Variants in RFX3 observed in about 807,000 individuals in gnomAD.
RFX3 encodes the protein transcription factor RFX3.
A neutral mutation model predicts 98.6 loss-of-function variants in RFX3; 14 were observed. That is an observed-to-expected ratio of 0.14 (90% CI 0.09 to 0.22). RFX3 has a LOEUF of 0.22. Ranked by LOEUF, RFX3 falls within the 10% of genes least tolerant of loss-of-function variation. The probability of loss-of-function intolerance (pLI) is 1.00; values close to 1 mark genes in which losing one functional copy is unlikely to be tolerated. For missense variants in RFX3, 639 were observed against 926.9 expected (o/e 0.69, Z 4.03); for synonymous variants, 383 against 328.4 (o/e 1.17, Z -1.80).
At chr9:3,413,151 T>G (rs1475150542) in intron 1 of RFX3, among the ~76,000 whole-genome samples, 1 of 151,828 alleles carries the variant, frequency 6.6e-6, no homozygotes, top group East Asian at 1.9e-4. Flanking sequence ...TACAACCTAT[T>G]CTCCTAAGGA....
At position 3,221,031 on chromosome 9, in the gene RFX3, T is replaced by C. The variant is rs965984765; in HGVS notation, c.*4011A>G. The stretch of plus-strand genomic sequence containing the variant: ...CTCATCTCAATTTCTGGATGGTTGT[T>C]CTTTTCTCACCAAGAATGTGTGTGT... On this transcript the variant is annotated 3_prime_UTR_variant, in exon 17 of 17. Transcript: ENST00000617270. The C allele has an allele frequency of 6.6e-6, 1 of 152,166 alleles. No individual in the cohort carries two copies. Among genetic ancestry groups the C allele is most frequent in the African/African-American group, 2.4e-5 (1 of 41,462 alleles). The allele number at this position is 152,166 out of a possible 1,614,324, so 9.4% of individuals were successfully genotyped here. A position where few individuals can be genotyped will look rare whatever the true frequency, so the allele number is the denominator to read the frequency against.
At chr9:3,254,541 C>CG (rs566974261) in intron 14 of RFX3, among the ~76,000 whole-genome samples, 1 of 142,864 alleles carries the variant, frequency 7.0e-6, no homozygotes, top group African/African-American at 2.6e-5. Flanking sequence ...TATCTGAAAT[C>CG]TTTTTTTTTT....
chr9:3,327,321 G>A (rs995271861), intron 4 of RFX3, among the ~76,000 whole-genome samples: 1 of 152,062 alleles, frequency 6.6e-6, no homozygotes, highest in Non-Finnish European at 1.5e-5. Context: ...CTTCAACTTT[G>A]TTAATTTTAC....
chr9:3,313,594 G>A (rs767936082), intron 4 of RFX3, among the ~76,000 whole-genome samples: 15 of 152,108 alleles, frequency 9.9e-5, no homozygotes, highest in Non-Finnish European at 2.1e-4. Flanking sequence ...GAGGATGTTC[G>A]AACCCATCAC....
At chr9:3,288,062 G>GA in intron 7 of RFX3, 69 bp downstream of exon 7, 2 of 1,491,332 alleles carry the variant, frequency 1.3e-6, no homozygotes, top group South Asian at 2.5e-5. Flanking sequence ...TATTTGTTCA[G>GA]AAAAAAGGAG....
rs566675401 is a variant in RFX3, at chr9:3,262,719, G to A, written c.1605+216C>T. On this transcript the variant is annotated intron_variant, in intron 13 of 16. Coordinates refer to ENST00000617270, the MANE Select transcript of RFX3 (RefSeq NM_001282116.2). ...TCAGCAAATGCTGGTGATATATTAC[G>A]TTGTCTTTTAGGACTGTAAATGTGA... Among the ~76,000 whole-genome samples, 32 of 152,240 alleles carry A rather than the reference G, an allele frequency of 2.1e-4. No individual in the cohort carries two copies. In the East Asian group the frequency reaches 5.6e-3, roughly 27 times the overall value.
chr9:3,352,006 A>G (rs1341404568), intron 2 of RFX3, among the ~76,000 whole-genome samples: 2 of 152,004 alleles, frequency 1.3e-5, no homozygotes, highest in African/African-American at 4.8e-5. Context: ...AGAAAAAGGA[A>G]AACTTTAATG....
rs565503480 is a variant in RFX3 at position 3,315,195 on chromosome 9, A to G, written c.475-13575T>C. On this transcript the variant is annotated intron_variant, in intron 4 of 16. Coordinates refer to ENST00000617270, the MANE Select transcript of RFX3 (RefSeq NM_001282116.2). ...CTGTCTCTCAGACCACAGTGCAATCAAACTAGAACTCAGGATTAAGAAACT... is the reference window on the plus strand; with the variant it reads ...CTGTCTCTCAGACCACAGTGCAATCGAACTAGAACTCAGGATTAAGAAACT... Among the ~76,000 whole-genome samples the G allele has an allele frequency of 3.8e-4, 58 of 152,322 alleles. No individual in the cohort carries two copies. In the South Asian group the frequency reaches 8.7e-3, roughly 23 times the overall value.
chr9:3,466,599 T>C (rs1364684728), intron 1 of RFX3, among the ~76,000 whole-genome samples: 1 of 152,120 alleles, frequency 6.6e-6, no homozygotes, highest in Non-Finnish European at 1.5e-5. Flanking sequence ...GTGGTAGCAG[T>C]AGGAATGGAA....
At chr9:3,429,040 T>TG (rs1844383836) in intron 1 of RFX3, among the ~76,000 whole-genome samples, 1 of 150,634 alleles carries the variant, frequency 6.6e-6, no homozygotes, top group African/African-American at 2.4e-5. Context: ...TTTTTTTTTT[T>TG]GAGACGGAGT....
chr9:3,361,792 A>T (rs2131392620), intron 2 of RFX3, among the ~76,000 whole-genome samples: 1 of 152,160 alleles, frequency 6.6e-6, no homozygotes, highest in Non-Finnish European at 1.5e-5. Context: ...TACAAAAAAT[A>T]AAAAATTAGC....
intron 5 of RFX3, among the ~76,000 whole-genome samples, chr9:3,299,537 G>A (rs1388218695): frequency 6.6e-6 from 1 of 151,534 alleles, no homozygotes; most frequent in Non-Finnish European, 1.5e-5. Flanking sequence ...AGGATAGTTG[G>A]AGAAAGATTA....
Position 3,247,576 on chromosome 9 carries a change from TGTTA to T in RFX3, c.1968+452_1968+455del, listed in dbSNP as rs751905285. 1.1e-5 allele frequency: 13 copies of T among 1,219,300 alleles called. No homozygotes were observed. In the East Asian group the frequency reaches 1.8e-4, roughly 16 times the overall value. 75.5% of individuals were successfully genotyped at this position (1,219,300 alleles called of 1,614,324 possible). A position where few individuals can be genotyped will look rare whatever the true frequency, so the allele number is the denominator to read the frequency against. ...TCGCACATAGTAAGTGTCCAAAAAA[TGTTA>T]GTTATCATCATTACCATTTTTATCC... is the stretch of plus-strand genomic sequence containing the variant. On this transcript the variant is annotated intron_variant, in intron 15 of 16. Transcript: ENST00000617270.
chr9:3,242,700 AT>A (rs1820121968), intron 15 of RFX3, among the ~76,000 whole-genome samples: 1 of 152,102 alleles, frequency 6.6e-6, no homozygotes, highest in African/African-American at 2.4e-5. Context: ...GGTTTTGAAG[AT>A]TTTTTTCCTT....
intron 1 of RFX3, among the ~76,000 whole-genome samples, chr9:3,468,081 C>T (rs190807572): frequency 1.6e-3 from 238 of 152,206 alleles, no homozygotes; most frequent in African/African-American, 5.4e-3. Flanking sequence ...GAAACGATGC[C>T]TCAAGTTTTA....
chr9:3,246,490 T>C (rs1456781879), intron 15 of RFX3, among the ~76,000 whole-genome samples: 1 of 152,124 alleles, frequency 6.6e-6, no homozygotes, highest in Non-Finnish European at 1.5e-5. Flanking sequence ...CACATGGTGT[T>C]AATGAGAATC....
chr9:3,488,606 T>C (rs573145680), intron 1 of RFX3, among the ~76,000 whole-genome samples: 67 of 152,312 alleles, frequency 4.4e-4, no homozygotes, highest in African/African-American at 1.6e-3. Flanking sequence ...ATGATAAAGA[T>C]TATTGTAACT....
chr9:3,264,962 C>G (rs1823424477), intron 12 of RFX3, among the ~76,000 whole-genome samples: 1 of 152,186 alleles, frequency 6.6e-6, no homozygotes, highest in Non-Finnish European at 1.5e-5. Context: ...ATGTGACTGA[C>G]TGAAAGTTGA....
intron 1 of RFX3, among the ~76,000 whole-genome samples, chr9:3,471,342 G>C (rs889732644): frequency 1.2e-4 from 18 of 152,172 alleles, no homozygotes; most frequent in Admixed American, 6.5e-5. Context: ...ACTGAGTCTT[G>C]GAGAATTTAA....
Sources: gnomAD v4.1 joint callset for allele counts (sites outside exome capture counted in the v4.1 genomes callset) on GRCh38, gnomAD v4.1.1 for gene constraint, MANE v1.5 for transcripts, NCBI Gene and HGNC (gene_info 2026-07-23, HGNC 2026-07-21) for gene names.